LMF1: variants seen among roughly 807,000 people sequenced by gnomAD.
LMF1 encodes lipase maturation factor 1, also known as transmembrane protein 112.
Under a neutral mutation model 60.6 loss-of-function variants are expected in LMF1, and 68 were observed. The ratio of observed to expected loss-of-function variants is 1.12; its 90% CI spans 0.92 to 1.37. LMF1 has a LOEUF of 1.37. Ranked by LOEUF, LMF1 falls within the 40% of genes most tolerant of loss-of-function variation. The probability of loss-of-function intolerance (pLI) is 0.00; values close to 1 mark genes in which losing one functional copy is unlikely to be tolerated. For synonymous variants in LMF1, 418 were observed against 324.7 expected (o/e 1.29, Z -3.09); for missense variants, 948 against 767.2 (o/e 1.24, Z -2.78).
intron 3 of LMF1, among the ~76,000 whole-genome samples, chr16:926,708 C>G (rs946481764): frequency 6.6e-6 from 1 of 152,254 alleles, no homozygotes; most frequent in Non-Finnish European, 1.5e-5. Context: ...CCACGGCCCA[C>G]ACCCTAAGGG....
Position 930,466 on chromosome 16 carries a change from C to T in LMF1, c.514+3778G>A, listed in dbSNP as rs372708869. On this transcript the variant is annotated intron_variant, in intron 3 of 10. Coordinates refer to ENST00000262301, the MANE Select transcript of LMF1 (RefSeq NM_022773.4). Reference sequence around the variant, plus strand: ...GTCCCAGCTAATCGGGAGGCTGAGGCGGGAGGATCGCCTGAGCCCGGGAGG... The same window carrying T: ...GTCCCAGCTAATCGGGAGGCTGAGGTGGGAGGATCGCCTGAGCCCGGGAGG... 1.3e-3 allele frequency among the ~76,000 whole-genome samples: 202 copies of T among 152,188 alleles called. 2 individuals carry two copies. The highest frequency in any genetic ancestry group is 4.7e-3 in the African/African-American group (196 of 41,520).
intron 2 of LMF1, 21 bp from the exon 3 acceptor site, chr16:934,275 C>T (rs760611159): frequency 2.4e-5 from 39 of 1,599,050 alleles, no homozygotes; most frequent in African/African-American, 1.7e-4. Flanking sequence ...AAAGAAGAAA[C>T]GAGTATTAAC....
intron 2 of LMF1, among the ~76,000 whole-genome samples, chr16:936,759 G>A (rs1368897287): frequency 2.0e-5 from 3 of 152,216 alleles, no homozygotes; most frequent in South Asian, 2.1e-4. Context: ...TTAGTTGAAC[G>A]GAGAAAGGAA....
chr16:908,853 C>A (rs570350163), intron 4 of LMF1, among the ~76,000 whole-genome samples: 1 of 152,222 alleles, frequency 6.6e-6, no homozygotes, highest in African/African-American at 2.4e-5. Flanking sequence ...ACATTGCGGA[C>A]GGGTGCCCAC....
At chr16:901,226 C>T (rs533653445) in intron 4 of LMF1, 2 of 152,366 alleles carry the variant, frequency 1.3e-5, no homozygotes, top group East Asian at 3.9e-4. Flanking sequence ...ATTCCCAGAA[C>T]ATACGCAACC....
chr16:958,379 C>G (rs1017440461), intron 1 of LMF1, among the ~76,000 whole-genome samples: 2 of 152,076 alleles, frequency 1.3e-5, no homozygotes, highest in East Asian at 3.8e-4. Flanking sequence ...ATTTAAAGAA[C>G]TTTTAAAATT....
chr16:864,659 T>TATC (rs1375253879), intron 10 of LMF1, among the ~76,000 whole-genome samples: 1 of 149,154 alleles, frequency 6.7e-6, no homozygotes, highest in Non-Finnish European at 1.5e-5. Flanking sequence ...TTTAAGTTAC[T>TATC]ATCTTTTTTT....
At chr16:888,633 G>C (rs778305487) in intron 5 of LMF1, among the ~76,000 whole-genome samples, 2 of 152,218 alleles carry the variant, frequency 1.3e-5, no homozygotes, top group African/African-American at 4.8e-5. Context: ...CTCCGATGTG[G>C]GGACCGCAGC....
Position 854,088 on chromosome 16 carries a change from C to T in LMF1, c.*444G>A, listed in dbSNP as rs1433701566. The T allele has an allele frequency of 8.7e-6, 4 of 457,194 alleles. No individual in the cohort carries two copies. The highest frequency in any genetic ancestry group is 1.7e-5 in the Non-Finnish European group (4 of 229,098). The allele number at this position is 457,194 out of a possible 1,614,324, so 28.3% of individuals were successfully genotyped here. ...GTGACAGGGACTTGGCTCTGAGGGT[C>T]AGGACCTGGCTGGGAACACACCATT... On this transcript the variant is annotated 3_prime_UTR_variant, in exon 11 of 11. Transcript: ENST00000262301.
chr16:962,254 C>T lies in LMF1; in HGVS notation c.194-7588G>A, dbSNP rs1331790639. Among the ~76,000 whole-genome samples, 4 of 151,870 alleles carry T rather than the reference C, an allele frequency of 2.6e-5. No homozygotes were observed. The highest frequency in any genetic ancestry group is 4.2e-4 in the South Asian group (2 of 4,762). On this transcript the variant is annotated intron_variant, in intron 1 of 10. Coordinates refer to ENST00000262301, the MANE Select transcript of LMF1 (RefSeq NM_022773.4). This position sits in a 1 kb window ranked among gnomAD's most constrained non-coding sequence, Gnocchi z 4.5. Reference sequence around the variant, plus strand: ...GGATCACGACCCAGACACAGACTCACGGTGACAGCACGGGATCACGACCCA... The same window carrying T: ...GGATCACGACCCAGACACAGACTCATGGTGACAGCACGGGATCACGACCCA...
intron 10 of LMF1, among the ~76,000 whole-genome samples, chr16:858,705 T>C (rs867882162): frequency 1.6e-5 from 1 of 60,820 alleles, no homozygotes; most frequent in Non-Finnish European, 3.0e-5. Flanking sequence ...GGGACGGGTG[T>C]GAGTGGTGTC....
At chr16:938,302 C>T (rs2072000531) in intron 2 of LMF1, among the ~76,000 whole-genome samples, 1 of 151,878 alleles carries the variant, frequency 6.6e-6, no homozygotes, top group Non-Finnish European at 1.5e-5. Context: ...TGGACAGTGG[C>T]TTGCAGGGAC....
chr16:915,923 G>T (rs1037922714), intron 3 of LMF1, among the ~76,000 whole-genome samples: 1 of 152,152 alleles, frequency 6.6e-6, no homozygotes, highest in African/African-American at 2.4e-5. Context: ...CAGCAGCTGG[G>T]GCAGGTGACA....
At chr16:859,885 A>T (rs1227231689) in intron 10 of LMF1, among the ~76,000 whole-genome samples, 39 of 67,934 alleles carry the variant, frequency 5.7e-4, no homozygotes, top group African/African-American at 3.3e-3. Flanking sequence ...GATGGGTGTG[A>T]GTGGTGTCTC....
intron 3 of LMF1, among the ~76,000 whole-genome samples, chr16:927,106 C>T (rs896394526): frequency 6.6e-6 from 1 of 152,206 alleles, no homozygotes; most frequent in African/African-American, 2.4e-5. Flanking sequence ...AGGGCAGCCT[C>T]TCCTTCTCTC....
chr16:917,602 G>C (rs1433953136), intron 3 of LMF1, among the ~76,000 whole-genome samples: 1 of 152,216 alleles, frequency 6.6e-6, no homozygotes, highest in East Asian at 1.9e-4. Context: ...GGCTTGTCCA[G>C]GCCCGCTGAC....
chr16:898,848 A>G (rs927840665), intron 4 of LMF1: 2 of 152,162 alleles, frequency 1.3e-5, no homozygotes, highest in African/African-American at 4.8e-5. Context: ...TTTTGGACTT[A>G]CTGTATTTTT....
chr16:922,946 C>T (rs1410383734), intron 3 of LMF1, among the ~76,000 whole-genome samples: 3 of 109,672 alleles, frequency 2.7e-5, no homozygotes, highest in African/African-American at 5.0e-5. Context: ...GTGTTGGTGT[C>T]GTGTTGTTGC....
intron 2 of LMF1, among the ~76,000 whole-genome samples, chr16:941,046 C>G (rs1190377821): frequency 6.6e-6 from 1 of 152,118 alleles, no homozygotes; most frequent in African/African-American, 2.4e-5. Context: ...CTCTGTACAC[C>G]TCTGATAATA....
Sources: gnomAD v4.1 joint callset for allele counts (sites outside exome capture counted in the v4.1 genomes callset) on GRCh38, gnomAD v4.1.1 for gene constraint, Gnocchi (gnomAD v3.1) non-coding constraint, MANE v1.5 for transcripts, NCBI Gene and HGNC (gene_info 2026-07-23, HGNC 2026-07-21) for gene names.